FAM124A: variants seen among roughly 807,000 people sequenced by gnomAD.
The protein encoded by FAM124A is protein FAM124A.
A neutral mutation model predicts 24.5 loss-of-function variants in FAM124A; 23 were observed. The ratio of observed to expected loss-of-function variants is 0.94; its 90% confidence interval spans 0.68 to 1.33. FAM124A has a LOEUF of 1.33. Ranked by LOEUF, FAM124A falls within the 40% of genes most tolerant of loss-of-function variation. The pLI is 0.00. For missense variants in FAM124A, 623 were observed against 722.8 expected, an observed-to-expected ratio of 0.86 and a Z score of 1.58; for synonymous variants, 287 against 314.7, an observed-to-expected ratio of 0.91 and a Z score of 0.93.
chr13:51,271,690 C>T (rs1015990073), intron 3 of FAM124A, among the ~76,000 whole-genome samples: 2 of 152,168 alleles, frequency 1.3e-5, no homozygotes, highest in Non-Finnish European at 2.9e-5. Flanking sequence ...ATTCTGCTCT[C>T]ATTTCTGTTC....
At chr13:51,248,853 C>T (rs1414386831) in intron 2 of FAM124A, among the ~76,000 whole-genome samples, 1 of 152,194 alleles carries the variant, frequency 6.6e-6, no homozygotes, top group African/African-American at 2.4e-5. Context: ...ACTGAAGCCA[C>T]TAACATAATC....
chr13:51,231,720 A>G (rs1593585884), intron 2 of FAM124A, among the ~76,000 whole-genome samples: 1 of 152,298 alleles, frequency 6.6e-6, no homozygotes. Flanking sequence ...TCAGAGCACA[A>G]TTCCTGGATC....
intron 1 of FAM124A, among the ~76,000 whole-genome samples, chr13:51,230,865 C>T (rs930856707): frequency 2.0e-5 from 3 of 152,160 alleles, no homozygotes; most frequent in Non-Finnish European, 4.4e-5. Context: ...GGTGGTCAGC[C>T]CCACCTTGAA....
At chr13:51,249,314 A>G (rs926359172) in intron 2 of FAM124A, among the ~76,000 whole-genome samples, 2 of 152,194 alleles carry the variant, frequency 1.3e-5, no homozygotes, top group African/African-American at 4.8e-5. Context: ...AACTCATACA[A>G]ATTTGAGAAT....
chr13:51,252,622 C>T (rs903931810), intron 3 of FAM124A: 6 of 191,828 alleles, frequency 3.1e-5, no homozygotes, highest in Admixed American at 2.6e-4. Context: ...CAGGAAAGCC[C>T]ATCTATCTGG....
In FAM124A at chr13:51,240,295, C is replaced by T. The variant is rs76211211; in HGVS notation, c.100+8916C>T. Among the ~76,000 whole-genome samples the T allele has an allele frequency of 9.5e-4, 144 of 152,302 alleles. No homozygotes were observed. The East Asian group carries it at 0.019, about 21-fold the overall frequency. The stretch of plus-strand genomic sequence containing the variant: ...CTTCTATTTTGCACATCACCTGATT[C>T]GGGAAGGGAAGGAATGTTCCACATG... On this transcript the variant is annotated intron_variant, in intron 2 of 3. Coordinates refer to ENST00000322475, the MANE Select transcript of FAM124A (RefSeq NM_001242312.2).
At chr13:51,264,069 C>T (rs1954761932) in intron 3 of FAM124A, among the ~76,000 whole-genome samples, 1 of 152,144 alleles carries the variant, frequency 6.6e-6, no homozygotes, top group Admixed American at 6.5e-5. Context: ...TTTCATGTGG[C>T]CAAGGACAAA....
At chr13:51,260,823 G>GC (rs1954728174) in intron 3 of FAM124A, among the ~76,000 whole-genome samples, 1 of 152,144 alleles carries the variant, frequency 6.6e-6, no homozygotes, top group East Asian at 1.9e-4. Context: ...CGGAGGGTCT[G>GC]GTCCAGCAGA....
chr13:51,231,513 A>G (rs1453637102), intron 2 of FAM124A, 134 bp downstream of exon 2: 5 of 908,442 alleles, frequency 5.5e-6, no homozygotes, highest in Non-Finnish European at 8.2e-6. Context: ...AATGTGGTAC[A>G]GGATGCTGTA....
chr13:51,231,809 T>A (rs1345746676), intron 2 of FAM124A, among the ~76,000 whole-genome samples: 1 of 152,172 alleles, frequency 6.6e-6, no homozygotes, highest in East Asian at 1.9e-4. Context: ...TCCTTCCCTC[T>A]CCAATGGAGG....
At chr13:51,253,839 G>A (rs1954649961) in intron 3 of FAM124A, among the ~76,000 whole-genome samples, 2 of 152,154 alleles carry the variant, frequency 1.3e-5, no homozygotes, top group South Asian at 4.1e-4. Context: ...GAGTGTGAAA[G>A]AGTAGAAAAA....
At chr13:51,262,883 G>T (rs1954750778) in intron 3 of FAM124A, among the ~76,000 whole-genome samples, 1 of 152,258 alleles carries the variant, frequency 6.6e-6, no homozygotes, top group Non-Finnish European at 1.5e-5. Context: ...CCTGCTCACA[G>T]CAGGCTCTCA....
intron 3 of FAM124A, among the ~76,000 whole-genome samples, chr13:51,270,442 T>G (rs1299689272): frequency 6.6e-6 from 1 of 152,180 alleles, no homozygotes; most frequent in African/African-American, 2.4e-5. Flanking sequence ...ATTTATAATG[T>G]TCTTATTTGC....
chr13:51,255,573 C>G (rs148721771), intron 3 of FAM124A, among the ~76,000 whole-genome samples: 66 of 152,354 alleles, frequency 4.3e-4, no homozygotes, highest in African/African-American at 1.5e-3. Flanking sequence ...GAAAAATCAG[C>G]TATGCTTTAG....
chr13:51,227,926 G>A (rs185501962), intron 1 of FAM124A, among the ~76,000 whole-genome samples: 3 of 152,320 alleles, frequency 2.0e-5, no homozygotes, highest in Non-Finnish European at 2.9e-5. Flanking sequence ...AAAAGAATAG[G>A]TGGGATGAAT....
Position 51,222,587 on chromosome 13 carries a change from G to A in FAM124A, c.68+18G>A. 8.2e-7 allele frequency: 1 copy of A among 1,221,816 alleles called. No individual in the cohort carries two copies. The highest frequency in any genetic ancestry group is 3.3e-5 in the East Asian group (1 of 30,556). 75.7% of individuals were successfully genotyped at this position (1,221,816 alleles called of 1,614,324 possible). The stretch of plus-strand genomic sequence containing the variant: ...ACCGGAGGGTGAGCCGCGCCGGGCC[G>A]GGCCGCGGGCGGGGGGCGCTCTCCG... On this transcript the variant is annotated intron_variant, in intron 1 of 3. Coordinates refer to ENST00000322475, the MANE Select transcript of FAM124A (RefSeq NM_001242312.2).
At chr13:51,264,613 C>A (rs141933849) in intron 3 of FAM124A, among the ~76,000 whole-genome samples, 49 of 151,780 alleles carry the variant, frequency 3.2e-4, no homozygotes, top group African/African-American at 1.2e-3. Flanking sequence ...CCAGCCTGGA[C>A]AACACAGCAA....
At chr13:51,259,010 G>A (rs777860045) in intron 3 of FAM124A, among the ~76,000 whole-genome samples, 15 of 152,158 alleles carry the variant, frequency 9.9e-5, no homozygotes, top group African/African-American at 1.4e-4. Context: ...TCAGGGTTCC[G>A]AGCTGCATCT....
At chr13:51,228,797 A>G (rs559729655) in intron 1 of FAM124A, among the ~76,000 whole-genome samples, 57 of 152,350 alleles carry the variant, frequency 3.7e-4, no homozygotes, top group African/African-American at 1.3e-3. Context: ...TTTAAGAGCT[A>G]TAAAAGTATT....
Sources: allele counts gnomAD v4.1 joint callset (sites outside exome capture counted in the v4.1 genomes callset), GRCh38; gene constraint gnomAD v4.1.1; transcripts MANE v1.5; gene names NCBI Gene and HGNC (gene_info 2026-07-23, HGNC 2026-07-21).